The following ASIC2 variants were observed in gnomAD, a reference collection of about 807,000 sequenced individuals.
The protein encoded by ASIC2 is acid sensing ion channel subunit 2, also known as acid-sensing ion channel 2.
A neutral mutation model predicts 57.3 loss-of-function variants in ASIC2; 25 were observed. The ratio of observed to expected loss-of-function variants is 0.44; its 90% CI spans 0.32 to 0.61. The LOEUF (loss-of-function observed/expected upper bound fraction) is 0.61, where lower values mean the gene tolerates loss of function less well. Among genes scored for constraint, ASIC2 ranks in the 20% least tolerant of loss-of-function variants. The pLI is 0.06. For missense variants in ASIC2, 641 were observed against 738.1 expected (o/e 0.87, Z 1.52); for synonymous variants, 319 against 307.5 (o/e 1.04, Z -0.39).
chr17:33,637,959 G>A (rs926706060), intron 1 of ASIC2, among the ~76,000 whole-genome samples: 12 of 152,152 alleles, frequency 7.9e-5, no homozygotes, highest in African/African-American at 2.9e-4. Context: ...TGCAATCAAG[G>A]GGTATGGAAA....
rs2091788489 is a variant in ASIC2, at chr17:33,013,386, G to A, written c.*579C>T. The A allele has an allele frequency of 6.5e-6, 1 of 153,000 alleles. No individual in the cohort carries two copies. Among genetic ancestry groups the A allele is most frequent in the African/African-American group, 2.5e-5 (1 of 39,624 alleles). The allele number at this position is 153,000 out of a possible 1,614,324, so 9.5% of individuals were successfully genotyped here. On this transcript the variant is annotated 3_prime_UTR_variant, in exon 10 of 10. Transcript: ENST00000225823. ...TGCCGCCGTCATAGGCACTGGGGGG[G>A]AGGGAGGTTGGCGCGGGTCACCTTT...
intron 1 of ASIC2, among the ~76,000 whole-genome samples, chr17:33,742,630 A>G (rs775742874): frequency 1.3e-5 from 2 of 152,228 alleles, no homozygotes; most frequent in African/African-American, 4.8e-5. Flanking sequence ...AAAAAACTCC[A>G]GCATAATGAC....
At chr17:33,842,008 C>A (rs1321711481) in intron 1 of ASIC2, among the ~76,000 whole-genome samples, 3 of 151,946 alleles carry the variant, frequency 2.0e-5, no homozygotes, top group South Asian at 2.1e-4. Context: ...GAGGGCTAGA[C>A]AACATATCCG....
chr17:33,417,521 G>T (rs74657912), intron 1 of ASIC2, among the ~76,000 whole-genome samples: 16,092 of 152,200 alleles, frequency 0.11, 926 homozygotes, highest in Middle Eastern at 0.14. Flanking sequence ...CAGTGATCTT[G>T]TCCTCTTTGA....
rs533375634 is a variant in ASIC2 at position 33,971,913 on chromosome 17, T to C, written c.555+184065A>G. Among the ~76,000 whole-genome samples the C allele has an allele frequency of 8.5e-5, 13 of 152,288 alleles. No individual in the cohort carries two copies. The East Asian group carries it at 1.7e-3, about 20-fold the overall frequency. On this transcript the variant is annotated intron_variant, in intron 1 of 9. Transcript: ENST00000359872. ...ATTCTGTTGACATTAGTAATAATTC[T>C]TCCCCGAGACTGAGAAAAACAACAG...
intron 1 of ASIC2, among the ~76,000 whole-genome samples, chr17:33,326,565 A>G (rs935913862): frequency 3.6e-4 from 55 of 152,224 alleles, no homozygotes; most frequent in African/African-American, 1.3e-3. Flanking sequence ...GACACAAGCA[A>G]GCACTCAGTT....
intron 1 of ASIC2, among the ~76,000 whole-genome samples, chr17:34,057,409 C>T (rs1908808744): frequency 6.6e-6 from 1 of 152,124 alleles, no homozygotes; most frequent in Non-Finnish European, 1.5e-5. Context: ...GGTGTTAAAG[C>T]CCAAGGAGGG....
intron 1 of ASIC2, among the ~76,000 whole-genome samples, chr17:33,194,190 C>T (rs915629658): frequency 3.9e-5 from 6 of 152,204 alleles, no homozygotes; most frequent in Non-Finnish European, 7.3e-5. Context: ...TGCTTTTCCA[C>T]GAATCTGAAA....
chr17:33,442,620 C>T (rs550307314), intron 1 of ASIC2, among the ~76,000 whole-genome samples: 68 of 152,014 alleles, frequency 4.5e-4, no homozygotes, highest in African/African-American at 1.6e-3. Context: ...TTATATCATG[C>T]GCCTTTGCTA....
Position 34,080,113 on chromosome 17 carries a change from C to T in ASIC2, c.555+75865G>A, listed in dbSNP as rs75523680. 1.9e-3 allele frequency among the ~76,000 whole-genome samples: 287 copies of T among 152,270 alleles called. 1 individual carries two copies. The highest frequency in any genetic ancestry group is 6.5e-3 in the African/African-American group (269 of 41,524). On this transcript the variant is annotated intron_variant, in intron 1 of 9. Transcript: ENST00000359872. ...GATTGCTATATTCAAGAGCTATCCA[C>T]CTAGCTTTCTGTAATATGCAAAGAT...
chr17:34,155,006 T>A (rs1904661164), intron 1 of ASIC2, among the ~76,000 whole-genome samples: 1 of 152,100 alleles, frequency 6.6e-6, no homozygotes, highest in Non-Finnish European at 1.5e-5. Context: ...CTTTCCTCTC[T>A]GCCCCTCCAG....
chr17:34,094,321 C>G (rs78912047), intron 1 of ASIC2, among the ~76,000 whole-genome samples: 1 of 152,178 alleles, frequency 6.6e-6, no homozygotes, highest in Non-Finnish European at 1.5e-5. Context: ...GTGTCCACTA[C>G]AGCCCATGAC....
At chr17:33,483,664 A>C (rs1174393321) in intron 1 of ASIC2, among the ~76,000 whole-genome samples, 1 of 152,168 alleles carries the variant, frequency 6.6e-6, no homozygotes, top group Non-Finnish European at 1.5e-5. Context: ...CAGGGCCATG[A>C]CTTATCCTAC....
chr17:33,701,469 A>G (rs1265758823), intron 1 of ASIC2, among the ~76,000 whole-genome samples: 1 of 152,214 alleles, frequency 6.6e-6, no homozygotes, highest in Non-Finnish European at 1.5e-5. Flanking sequence ...AAAGACCATC[A>G]TTTTTGTTAT....
chr17:33,683,953 A>G (rs1306330735), intron 1 of ASIC2, among the ~76,000 whole-genome samples: 1 of 152,198 alleles, frequency 6.6e-6, no homozygotes, highest in Non-Finnish European at 1.5e-5. Flanking sequence ...GAGCTAGGAC[A>G]CTCCAACGTA....
intron 1 of ASIC2, among the ~76,000 whole-genome samples, chr17:33,261,941 G>A (rs1293150107): frequency 1.3e-5 from 2 of 152,204 alleles, no homozygotes; most frequent in Non-Finnish European, 2.9e-5. Context: ...TGCTGTCACT[G>A]AAGTGTGTGA....
chr17:33,779,967 C>CTTTTTTTTTTTTTTTTTTTTT (rs759850922), intron 1 of ASIC2, among the ~76,000 whole-genome samples: 2 of 85,206 alleles, frequency 2.3e-5, no homozygotes, highest in African/African-American at 4.8e-5. Context: ...CTACAGAAGC[C>CTTTTTTTTTTTTTTTTTTTTT]TTTTTTTTTT....
chr17:34,057,190 T>C (rs1908799378), intron 1 of ASIC2, among the ~76,000 whole-genome samples: 2 of 152,186 alleles, frequency 1.3e-5, no homozygotes, highest in Non-Finnish European at 2.9e-5. Context: ...TAGAGACATG[T>C]AAATGATCCC....
chr17:33,928,342 G>C (rs1915865661), intron 1 of ASIC2, among the ~76,000 whole-genome samples: 1 of 152,186 alleles, frequency 6.6e-6, no homozygotes, highest in South Asian at 2.1e-4. Flanking sequence ...AGCGTGGGGG[G>C]CAGGGGCACT....
Sources: allele counts gnomAD v4.1 joint callset (sites outside exome capture counted in the v4.1 genomes callset), GRCh38; gene constraint gnomAD v4.1.1; transcripts MANE v1.5; gene names NCBI Gene and HGNC (gene_info 2026-07-23, HGNC 2026-07-21).